ANGPT1: variants seen among roughly 807,000 people sequenced by gnomAD.
ANGPT1 encodes angiopoietin 1.
In ANGPT1, 17 loss-of-function variants were observed where a neutral mutation model predicts 62.2. The ratio of observed to expected loss-of-function variants is 0.27; its 90% CI spans 0.19 to 0.41. The LOEUF (loss-of-function observed/expected upper bound fraction) is 0.41. Among genes scored for constraint, ANGPT1 ranks in the 10% least tolerant of loss-of-function variants. ANGPT1 has a pLI of 1.00. For missense variants in ANGPT1, 478 were observed against 594.9 expected (o/e 0.80, Z 2.04); for synonymous variants, 199 against 198.9 (o/e 1.00, Z 0.00).
chr8:107,262,448 T>C (rs188769989), intron 8 of ANGPT1, among the ~76,000 whole-genome samples: 1 of 152,326 alleles, frequency 6.6e-6, no homozygotes, highest in East Asian at 1.9e-4. Flanking sequence ...TGGGATGAAA[T>C]GGCAAATGCT....
intron 5 of ANGPT1, among the ~76,000 whole-genome samples, chr8:107,299,958 T>G (rs1197389488): frequency 7.4e-6 from 1 of 135,838 alleles, no homozygotes; most frequent in Non-Finnish European, 1.6e-5. Context: ...ATACTGTATA[T>G]ATACTATATA....
chr8:107,408,357 T>G (rs1817192099), intron 1 of ANGPT1, among the ~76,000 whole-genome samples: 1 of 152,228 alleles, frequency 6.6e-6, no homozygotes, highest in South Asian at 2.1e-4. Context: ...GCAGAAATCA[T>G]GATTTGTAGA....
intron 4 of ANGPT1, among the ~76,000 whole-genome samples, chr8:107,304,618 C>G (rs1438317384): frequency 1.3e-5 from 2 of 151,710 alleles, no homozygotes; most frequent in East Asian, 3.9e-4. Context: ...CTAATGTTTA[C>G]TAACTTATAG....
chr8:107,282,533 T>C (rs145704216), intron 7 of ANGPT1, among the ~76,000 whole-genome samples: 4 of 134,096 alleles, frequency 3.0e-5, no homozygotes, highest in African/African-American at 1.1e-4. Flanking sequence ...TTATATTATA[T>C]ATATATTACA....
rs191547985 is a variant in ANGPT1 at position 107,488,143 on chromosome 8, A to G, written c.297+9119T>C. On this transcript the variant is annotated intron_variant, in intron 1 of 8. Coordinates refer to ENST00000517746, the MANE Select transcript of ANGPT1 (RefSeq NM_001146.5). ...TATGGGTGGGCCTCAGTATTTTAAGAGTCTAAAACAATCTGCATTTGTTTT... is the reference window on the plus strand; with the variant it reads ...TATGGGTGGGCCTCAGTATTTTAAGGGTCTAAAACAATCTGCATTTGTTTT... Among the ~76,000 whole-genome samples the G allele has an allele frequency of 1.9e-4, 29 of 152,332 alleles. No individual in the cohort carries two copies. In the East Asian group the frequency reaches 5.4e-3, roughly 28 times the overall value.
intron 1 of ANGPT1, among the ~76,000 whole-genome samples, chr8:107,407,745 T>C (rs1404021842): frequency 1.3e-5 from 2 of 152,172 alleles, no homozygotes; most frequent in South Asian, 2.1e-4. Flanking sequence ...CCCTGCCTTT[T>C]GGTCATTTCA....
rs999546980 is a variant in ANGPT1 at position 107,284,627 on chromosome 8, A to T, written c.1205+55T>A. On this transcript the variant is annotated intron_variant, in intron 7 of 8. Coordinates refer to ENST00000517746, the MANE Select transcript of ANGPT1 (RefSeq NM_001146.5). ...CTTTTTTTCATATTTTCCCACTACA[A>T]TTATTAAGTGGCTAGGTAAAAGGTA... The T allele has an allele frequency of 1.1e-5, 15 of 1,313,364 alleles. No homozygotes were observed. The African/African-American group carries it at 2.3e-4, about 20-fold the overall frequency. 81.4% of individuals were successfully genotyped at this position (1,313,364 alleles called of 1,614,324 possible).
At chr8:107,455,486 G>C (rs990838277) in intron 1 of ANGPT1, among the ~76,000 whole-genome samples, 1 of 151,950 alleles carries the variant, frequency 6.6e-6, no homozygotes, top group Non-Finnish European at 1.5e-5. Flanking sequence ...ATCACTGAAT[G>C]TCCTGGCAAT....
At chr8:107,436,273 A>G (rs2130419763) in intron 1 of ANGPT1, among the ~76,000 whole-genome samples, 1 of 152,302 alleles carries the variant, frequency 6.6e-6, no homozygotes, top group South Asian at 2.1e-4. Context: ...AAGGCCACAC[A>G]GTATTCACAC....
At chr8:107,271,006 A>C (rs1009637326) in intron 7 of ANGPT1, among the ~76,000 whole-genome samples, 6 of 151,984 alleles carry the variant, frequency 3.9e-5, no homozygotes, top group Non-Finnish European at 8.8e-5. Context: ...TTTGGTACAA[A>C]ATAAGTACGA....
chr8:107,497,427 A>C lies in ANGPT1; in HGVS notation c.132T>G (p.Thr44=), dbSNP rs199683569. The change falls in exon 1 of 9, where the codon ACT becomes ACG. Residue 44 remains threonine, a synonymous_variant. Transcript: ENST00000517746. ...TGCCATCGTGTTCTGGAAGAATGAA[A>C]GTGTAGGCACATTGCCCATGTTGAA... The part of the protein sequence containing the change: ...NRIQHGQCAY[T]FILPEHDGNC... 4 of 1,614,152 alleles carry C rather than the reference A, an allele frequency of 2.5e-6. No individual in the cohort carries two copies. In the South Asian group the frequency reaches 4.4e-5, roughly 18 times the overall value.
chr8:107,414,626 G>T (rs550626407), intron 1 of ANGPT1, among the ~76,000 whole-genome samples: 78 of 152,276 alleles, frequency 5.1e-4, no homozygotes, highest in Non-Finnish European at 3.5e-4. Flanking sequence ...CAAGTATGGG[G>T]ATAGGAAACC....
chr8:107,378,933 CAT>C (rs35844574), intron 1 of ANGPT1, among the ~76,000 whole-genome samples: 109,441 of 148,310 alleles, frequency 0.74, 41,308 homozygotes, highest in East Asian at 0.86. Context: ...TATACACATA[CAT>C]ATATATATAT....
chr8:107,328,119 A>C (rs1434598417), intron 3 of ANGPT1, among the ~76,000 whole-genome samples: 1 of 152,090 alleles, frequency 6.6e-6, no homozygotes, highest in African/African-American at 2.4e-5. Context: ...GAAGATGTTG[A>C]AAATATAGAA....
At chr8:107,446,442 T>C (rs1034808697) in intron 1 of ANGPT1, among the ~76,000 whole-genome samples, 1 of 152,162 alleles carries the variant, frequency 6.6e-6, no homozygotes, top group Non-Finnish European at 1.5e-5. Flanking sequence ...ATATGATAAG[T>C]TCTGAGTGAG....
intron 4 of ANGPT1, among the ~76,000 whole-genome samples, chr8:107,317,629 TTTTTA>T (rs1815046895): frequency 2.1e-5 from 1 of 46,654 alleles, no homozygotes; most frequent in Non-Finnish European, 3.7e-5. Context: ...TTTATTTTTA[TTTTTA>T]TTTTTTTTTT....
chr8:107,380,019 A>G (rs1350445475), intron 1 of ANGPT1, among the ~76,000 whole-genome samples: 1 of 152,188 alleles, frequency 6.6e-6, no homozygotes, highest in Non-Finnish European at 1.5e-5. Flanking sequence ...CACACATGTT[A>G]TAACTATGAA....
chr8:107,476,637 C>T (rs746612728), intron 1 of ANGPT1, among the ~76,000 whole-genome samples: 14 of 152,008 alleles, frequency 9.2e-5, no homozygotes, highest in Non-Finnish European at 1.8e-4. Context: ...ATCGTCGTTT[C>T]CTCCTCACAT....
intron 1 of ANGPT1, among the ~76,000 whole-genome samples, chr8:107,406,332 T>C (rs987371010): frequency 6.6e-6 from 1 of 151,924 alleles, no homozygotes; most frequent in Non-Finnish European, 1.5e-5. Flanking sequence ...CTTTAATAAA[T>C]CTGACATACA....
Sources: gnomAD v4.1 joint callset for allele counts (sites outside exome capture counted in the v4.1 genomes callset) on GRCh38, gnomAD v4.1.1 for gene constraint, MANE v1.5 for transcripts, NCBI Gene and HGNC (gene_info 2026-07-23, HGNC 2026-07-21) for gene names.